The following TTN variants were observed in gnomAD, a reference collection of about 807,000 sequenced individuals.
TTN encodes the protein titin, also known as connectin.
In TTN, 1,525 loss-of-function variants were observed where a neutral mutation model predicts 3,223.0. That is an observed-to-expected ratio of 0.47 (90% confidence interval 0.45 to 0.49). TTN has a LOEUF of 0.49. Ranked by LOEUF, TTN falls within the 20% of genes least tolerant of loss-of-function variation. The pLI, the probability that TTN is intolerant of heterozygous loss-of-function variation, is 0.00. For synonymous variants in TTN, 14,094 were observed against 15,161.0 expected, an observed-to-expected ratio of 0.93 and a Z score of 5.17; for missense variants, 40,786 against 43,424.0, an observed-to-expected ratio of 0.94 and a Z score of 5.40.
chr2:178,635,376 G>A (rs2060309998), intron 227 of TTN, 64 bp downstream of exon 227: 1 of 1,606,574 alleles, frequency 6.2e-7, no homozygotes, highest in Non-Finnish European at 8.5e-7. Context: ...ATGTGTTTTG[G>A]TGTGTTATTT....
At chr2:178,749,550 C>T (rs1446228035) in intron 47 of TTN, 6 of 1,612,658 alleles carry the variant, frequency 3.7e-6, no homozygotes, top group Middle Eastern at 3.3e-4. Flanking sequence ...TAAAAATGTG[C>T]CCTTACAGAT....
Position 178,759,033 on chromosome 2 carries a change from A to G in TTN, c.10254T>C (p.Ala3418=), listed in dbSNP as rs776858561. Residue 3418 remains alanine (A), a synonymous_variant, in exon 44 of 363, where the codon GCT becomes GCC. Coordinates refer to ENST00000589042, the MANE Select transcript of TTN (RefSeq NM_001267550.2). The part of the protein sequence containing the change: ...PEDEGTYTFV[A]SNAVGQVSST... ...TTGATACTTGGCCTACAGCATTACT[A>G]GCAACAAACGTGTAAGTTCCTTCAT... 4.0e-5 allele frequency: 64 copies of G among 1,613,930 alleles called. No homozygotes were observed. Among genetic ancestry groups the G allele is most frequent in the Non-Finnish European group, 5.0e-5 (59 of 1,179,950 alleles).
rs143193258 is a variant in TTN, at chr2:178,554,945, C to T, written c.88514G>A (p.Arg29505His). ...TAATTCATAGCATCCACTATTAAGG[C>T]GATCGGCATCTTTGATGAGTATAGA... ...LASILIKDADRLNSGCYELKL... is the reference protein window; with the variant it reads ...LASILIKDADHLNSGCYELKL... The change falls in exon 331 of 363, where the codon CGC (arginine) becomes CAC (histidine). Residue 29505 changes from arginine to histidine, a missense_variant. Transcript: ENST00000589042. The T allele has an allele frequency of 4.4e-5, 71 of 1,613,788 alleles. No individual in the cohort carries two copies. The highest frequency in any genetic ancestry group is 4.2e-4 in the Admixed American group (25 of 60,010).
chr2:178,704,808 T>C (rs1211195932), intron 104 of TTN, 31 bp from the exon 105 acceptor site: 10 of 1,606,832 alleles, frequency 6.2e-6, no homozygotes, highest in African/African-American at 1.3e-5. Context: ...AACACATTTG[T>C]TACTCCTTCC....
In TTN at chr2:178,581,733, T is replaced by C. The variant is rs747865430; in HGVS notation, c.66535A>G (p.Lys22179Glu). The C allele has an allele frequency of 1.2e-6, 2 of 1,609,362 alleles. No homozygotes were observed. Among genetic ancestry groups the C allele is most frequent in the Non-Finnish European group, 8.5e-7 (1 of 1,177,666 alleles). The change falls in exon 316 of 363, where the codon AAG becomes GAG. Residue 22179 changes from lysine (K) to glutamate (E), a missense_variant. Physicochemically the swap from Lys to Glu is moderately conservative, Grantham distance 56. Coordinates refer to ENST00000589042, the MANE Select transcript of TTN (RefSeq NM_001267550.2). ...GGGCTGCCGCCGTCATAGGCTGGCT[T>C]GCCCCAAGATAGACTCACAGAGCTG... ...TRSSVSLSWG[K>E]PAYDGGSPII...
In TTN at chr2:178,622,116, C is replaced by A. The variant is rs946475542; in HGVS notation, c.44914-108G>T. 2.7e-5 allele frequency: 29 copies of A among 1,073,064 alleles called. No individual in the cohort carries two copies. The Admixed American group carries it at 7.9e-4, about 29-fold the overall frequency. 66.5% of individuals were successfully genotyped at this position (1,073,064 alleles called of 1,614,324 possible). On this transcript the variant is annotated intron_variant, in intron 243 of 362. Coordinates refer to ENST00000589042, the MANE Select transcript of TTN (RefSeq NM_001267550.2). ...TTTCTGAAAGCAACCAACAAGACTT[C>A]ATAGTGTGAAGAAGAACCAAGGTGG...
At chr2:178,760,157 A>T (rs186630701) in intron 43 of TTN, among the ~76,000 whole-genome samples, 1 of 152,316 alleles carries the variant, frequency 6.6e-6, no homozygotes, top group Admixed American at 6.5e-5. Flanking sequence ...CCTGCCCATG[A>T]TGGTAGATGT....
chr2:178,732,002 G>C (rs768007612), intron 57 of TTN, 31 bp from the exon 58 acceptor site: 1 of 1,592,116 alleles, frequency 6.3e-7, no homozygotes, highest in African/African-American at 1.3e-5. Context: ...TTTGCATTAA[G>C]GGAGGAGGGG....
chr2:178,567,138 G>T lies in TTN; in HGVS notation c.78994C>A (p.Leu26332Ile). ...YVVEKRETSR[L>I]AWTVVASEVV... ...TCTGAAGCAACAACAGTCCAGGCAA[G>T]TCGACTGGTTTCTCGCTTTTCAACA... is the stretch of plus-strand genomic sequence containing the variant. Residue 26332 changes from leucine to isoleucine, a missense_variant, in exon 326 of 363, where the codon CTT becomes ATT. Leu to Ile is a conservative substitution (Grantham distance 5). Coordinates refer to ENST00000589042, the MANE Select transcript of TTN (RefSeq NM_001267550.2). The T allele has an allele frequency of 6.2e-7, 1 of 1,613,522 alleles. No homozygotes were observed. The highest frequency in any genetic ancestry group is 8.5e-7 in the Non-Finnish European group (1 of 1,179,616).
chr2:178,665,750 G>T lies in TTN; in HGVS notation c.35917C>A (p.Pro11973Thr). Residue 11973 changes from proline (P) to threonine (T), a missense_variant, in exon 164 of 363, where the codon CCC (proline) becomes ACC (threonine). Pro to Thr is a conservative substitution (Grantham distance 38). Transcript: ENST00000589042. ...TCAATTTCAAGGGGAGCAGCCATGGGTGTTTCCTTTACAGGGACAATTTCT... is the reference window on the plus strand; with the variant it reads ...TCAATTTCAAGGGGAGCAGCCATGGTTGTTTCCTTTACAGGGACAATTTCT... ...PREIVPVKET[P>T]MAAPLEIEIP... 7.6e-7 allele frequency: 1 copy of T among 1,320,540 alleles called. No individual in the cohort carries two copies. The highest frequency in any genetic ancestry group is 9.6e-7 in the Non-Finnish European group (1 of 1,041,230). The allele number at this position is 1,320,540 out of a possible 1,614,324, so 81.8% of individuals were successfully genotyped here. A position where few individuals can be genotyped will look rare whatever the true frequency, so the allele number is the denominator to read the frequency against.
rs1051626873 is a variant in TTN at position 178,732,227 on chromosome 2, T to A, written c.16742A>T (p.Asp5581Val). 6 of 1,613,748 alleles carry A rather than the reference T, an allele frequency of 3.7e-6. No homozygotes were observed. Among genetic ancestry groups the A allele is most frequent in the Non-Finnish European group, 5.1e-6 (6 of 1,179,800 alleles). ...PPIKITWFAN[D>V]REIKESSKHR... ...TTTGCTGCTCTCCTTAATTTCTCTA[T>A]CATTTGCAAACCATGTTATTTTAAT... The change falls in exon 57 of 363, where the codon GAT (aspartate) becomes GTT (valine). Residue 5581 changes from aspartate (D) to valine (V), a missense_variant. Physicochemically the swap from Asp to Val is radical, Grantham distance 152. Coordinates refer to ENST00000589042, the MANE Select transcript of TTN (RefSeq NM_001267550.2).
chr2:178,582,758 T>C, intron 313 of TTN, 166 bp from the exon 314 acceptor site: 1 of 912,698 alleles, frequency 1.1e-6, no homozygotes. Context: ...ATTAGGTAAT[T>C]GAAATATGTG....
intron 100 of TTN, among the ~76,000 whole-genome samples, 191 bp downstream of exon 100, chr2:178,707,335 G>A (rs1316855594): frequency 1.3e-5 from 2 of 152,166 alleles, no homozygotes; most frequent in African/African-American, 4.8e-5. Context: ...AGTAATTTCA[G>A]ATACTTTGTA....
chr2:178,757,152 TAAGTA>T (rs369026697), intron 45 of TTN, among the ~76,000 whole-genome samples: 47 of 151,224 alleles, frequency 3.1e-4, no homozygotes, highest in African/African-American at 1.2e-3. Context: ...CTGTATGCTT[TAAGTA>T]CAGTAAGTAA....
At chr2:178,794,360 C>T (rs374427561) in intron 8 of TTN, 39 bp downstream of exon 8, 115 of 1,612,992 alleles carry the variant, frequency 7.1e-5, no homozygotes, top group Admixed American at 3.2e-4. Context: ...CACTGAAGGA[C>T]GTGGCTCTGC....
Position 178,539,007 on chromosome 2 carries a change from A to C in TTN, c.98928T>G (p.Asn32976Lys), listed in dbSNP as rs768961283. 1 of 1,613,728 alleles carries C rather than the reference A, an allele frequency of 6.2e-7. No individual in the cohort carries two copies. Among genetic ancestry groups the C allele is most frequent in the Non-Finnish European group, 8.5e-7 (1 of 1,179,696 alleles). ...GGCTGGTCTCACTCAGGCCAACATC[A>C]TTCTGTGCGATGATGCGGAACTGAT... ...AEYQFRIIAQ[N>K]DVGLSETSPA... The change falls in exon 353 of 363, where the codon AAT (asparagine) becomes AAG (lysine). Residue 32976 changes from asparagine (N) to lysine (K), a missense_variant. Transcript: ENST00000589042.
chr2:178,556,816 C>G (rs1701699685), intron 330 of TTN, 32 bp downstream of exon 330: 1 of 1,608,644 alleles, frequency 6.2e-7, no homozygotes, highest in South Asian at 1.1e-5. Context: ...AGTTAAATAG[C>G]AATTTTGATT....
Position 178,777,685 on chromosome 2 carries a change from A to C in TTN, c.4480+19T>G. 1 of 1,614,030 alleles carries C rather than the reference A, an allele frequency of 6.2e-7. No individual in the cohort carries two copies. On this transcript the variant is annotated intron_variant, in intron 25 of 362. Transcript: ENST00000589042. Reference sequence around the variant, plus strand: ...TTTTGTGTTTTTATGATTCATGAGCAAAAACTTATCACGCTTACCATCATG... The same window carrying C: ...TTTTGTGTTTTTATGATTCATGAGCCAAAACTTATCACGCTTACCATCATG...
Position 178,528,878 on chromosome 2 carries a change from C to G in TTN, c.106873G>C (p.Val35625Leu), listed in dbSNP as rs1687747331. ...GCACCAGCAATGTTGGCTTTTAAAA[C>G]CAGTCTTTGACCTTCGTTTATGCTC... ...QMSINEGQRL[V>L]LKANIAGATD... The change falls in exon 360 of 363, where the codon GTT becomes CTT. Residue 35625 changes from valine (V) to leucine (L), a missense_variant. Physicochemically the swap from Val to Leu is conservative, Grantham distance 32. Coordinates refer to ENST00000589042, the MANE Select transcript of TTN (RefSeq NM_001267550.2). The G allele has an allele frequency of 6.2e-7, 1 of 1,614,012 alleles. No homozygotes were observed. Among genetic ancestry groups the G allele is most frequent in the Non-Finnish European group, 8.5e-7 (1 of 1,179,878 alleles).
Sources: allele counts gnomAD v4.1 joint callset (sites outside exome capture counted in the v4.1 genomes callset), GRCh38; gene constraint gnomAD v4.1.1; transcripts MANE v1.5; gene names NCBI Gene and HGNC (gene_info 2026-07-23, HGNC 2026-07-21).